CCM2: variants seen among roughly 807,000 people sequenced by gnomAD.
CCM2 encodes the protein cerebral cavernous malformations 2 protein.
In CCM2, 25 loss-of-function variants were observed where a neutral mutation model predicts 44.9. That is an observed-to-expected ratio of 0.56 (90% CI 0.41 to 0.78). The LOEUF (loss-of-function observed/expected upper bound fraction) is 0.78, where lower values mean the gene tolerates loss of function less well. Ranked by LOEUF, CCM2 falls within the 30% of genes least tolerant of loss-of-function variation. CCM2 has a pLI of 0.00. For missense variants in CCM2, 481 were observed against 580.6 expected, an observed-to-expected ratio of 0.83 and a Z score of 1.76; for synonymous variants, 219 against 241.1, an observed-to-expected ratio of 0.91 and a Z score of 0.85.
At chr7:45,058,840 G>C (rs1202836944) in intron 2 of CCM2, among the ~76,000 whole-genome samples, 1 of 151,530 alleles carries the variant, frequency 6.6e-6, no homozygotes, top group Non-Finnish European at 1.5e-5. Flanking sequence ...GCAGTGGCAC[G>C]ATCTTGCCTC....
Position 45,059,429 on chromosome 7 carries a change from AAAAG to A in CCM2, c.205-4473_205-4470del, listed in dbSNP as rs974766289. Among the ~76,000 whole-genome samples, 908 of 115,472 alleles carry A rather than the reference AAAAG, an allele frequency of 7.9e-3. 5 individuals carry two copies. Among genetic ancestry groups the A allele is most frequent in the African/African-American group, 0.013 (512 of 38,414 alleles). The allele number at this position is 115,472 out of a possible 152,430, so 75.8% of individuals were successfully genotyped here. On this transcript the variant is annotated intron_variant, in intron 2 of 9. Coordinates refer to ENST00000258781, the MANE Select transcript of CCM2 (RefSeq NM_031443.4). Reference sequence around the variant, plus strand: ...GAAACCCTGTCTGTTAAAAAAAAAAAAAAGAAAGAAAGAAAGAAAAAACAAAAAA... The same window carrying A: ...GAAACCCTGTCTGTTAAAAAAAAAAAAAAGAAAGAAAGAAAAAACAAAAAA...
chr7:45,033,599 A>C (rs531523685), intron 1 of CCM2, among the ~76,000 whole-genome samples: 38 of 152,336 alleles, frequency 2.5e-4, no homozygotes, highest in African/African-American at 7.5e-4. Context: ...TTTGGGGGCT[A>C]GCAGGCAGAA....
At chr7:45,059,246 A>G (rs1229726345) in intron 2 of CCM2, among the ~76,000 whole-genome samples, 1 of 152,118 alleles carries the variant, frequency 6.6e-6, no homozygotes. Flanking sequence ...GTCGTGGTGT[A>G]TAATTATTAA....
intron 2 of CCM2, among the ~76,000 whole-genome samples, chr7:45,039,335 C>G (rs1280542737): frequency 6.6e-6 from 1 of 152,302 alleles, no homozygotes; most frequent in Non-Finnish European, 1.5e-5. Context: ...TTCTAGAATG[C>G]CTGCAACCAG....
At chr7:45,020,792 T>A (rs1023966178) in intron 1 of CCM2, among the ~76,000 whole-genome samples, 6 of 152,362 alleles carry the variant, frequency 3.9e-5, no homozygotes, top group Admixed American at 3.9e-4. Context: ...AATACATTTG[T>A]ATCTCAGAAG....
rs532457276 is a variant in CCM2 at position 45,020,582 on chromosome 7, G to A, written c.31-17671G>A. ...TAATGCATCTGTAGGATTAATTCCC[G>A]AAAATGCACTTGCTGGGAAACATAA... On this transcript the variant is annotated intron_variant, in intron 1 of 9. Coordinates refer to ENST00000258781, the MANE Select transcript of CCM2 (RefSeq NM_031443.4). Among the ~76,000 whole-genome samples the A allele has an allele frequency of 2.6e-5, 4 of 152,250 alleles. No homozygotes were observed. In the East Asian group the frequency reaches 7.7e-4, roughly 29 times the overall value.
chr7:45,064,751 G>GT (rs1798692111), intron 4 of CCM2, 105 bp downstream of exon 4: 5 of 1,159,762 alleles, frequency 4.3e-6, no homozygotes, highest in Middle Eastern at 2.7e-4. Context: ...GGGTGCTGCT[G>GT]TTTGTCACGA....
Position 45,054,566 on chromosome 7 carries a change from C to G in CCM2, c.205-9352C>G, listed in dbSNP as rs571721515. Among the ~76,000 whole-genome samples, 303 of 152,248 alleles carry G rather than the reference C, an allele frequency of 2.0e-3. 1 individual carries two copies. The highest frequency in any genetic ancestry group is 3.5e-3 in the Non-Finnish European group (238 of 67,998). ...TTAGAGCCAACTCCCCTACCCCACC[C>G]CCTAGACAAGGTGCTTGAGGAGGTG... On this transcript the variant is annotated intron_variant, in intron 2 of 9. Transcript: ENST00000258781.
At chr7:45,015,298 C>A (rs553922389) in intron 1 of CCM2, among the ~76,000 whole-genome samples, 3 of 152,230 alleles carry the variant, frequency 2.0e-5, no homozygotes, top group African/African-American at 7.2e-5. Context: ...TTCCTGTTTT[C>A]TTCAGTGTAT....
rs1376839352 is a variant in CCM2 at position 45,070,212 on chromosome 7, A to C, written c.745+251A>C. ...TGGAATAAATTTGGGGTCTGTGAACACTTTTTTGGAACCACTTGTGGCTAA... is the reference window on the plus strand; with the variant it reads ...TGGAATAAATTTGGGGTCTGTGAACCCTTTTTTGGAACCACTTGTGGCTAA... On this transcript the variant is annotated intron_variant, in intron 6 of 9. Coordinates refer to ENST00000258781, the MANE Select transcript of CCM2 (RefSeq NM_031443.4). The C allele has an allele frequency of 7.5e-6, 4 of 535,818 alleles. No individual in the cohort carries two copies. The East Asian group carries it at 1.0e-4, about 13-fold the overall frequency. 33.2% of individuals were successfully genotyped at this position (535,818 alleles called of 1,614,324 possible).
At chr7:45,009,962 T>A (rs1583840370) in intron 1 of CCM2, among the ~76,000 whole-genome samples, 1 of 151,532 alleles carries the variant, frequency 6.6e-6, no homozygotes, top group African/African-American at 2.4e-5. Context: ...GAGGCTGGAG[T>A]GCCGTGGTGC....
intron 2 of CCM2, among the ~76,000 whole-genome samples, chr7:45,057,899 C>T (rs1051153786): frequency 1.3e-5 from 2 of 152,196 alleles, no homozygotes; most frequent in South Asian, 4.1e-4. Flanking sequence ...GCCCAGCACA[C>T]GCAATTCTGA....
rs1799150251 is a variant in CCM2 at position 45,072,910 on chromosome 7, C to T, written c.803+127C>T. On this transcript the variant is annotated intron_variant, in intron 7 of 9. Transcript: ENST00000258781. The stretch of plus-strand genomic sequence containing the variant: ...CCTCGCTAAGCCATCCCCAGACCCA[C>T]TGTACCCAGCTTAGTGAATGGCTGA... 4 of 792,790 alleles carry T rather than the reference C, an allele frequency of 5.0e-6. No individual in the cohort carries two copies. In the South Asian group the frequency reaches 5.6e-5, roughly 11 times the overall value. The allele number at this position is 792,790 out of a possible 1,614,324, so 49.1% of individuals were successfully genotyped here.
intron 1 of CCM2, chr7:45,027,939 G>A: frequency 1.1e-6 from 1 of 873,130 alleles, no homozygotes; most frequent in Non-Finnish European, 1.9e-6. Context: ...GCTTTGGGAG[G>A]ATGGGGTGGG....
At chr7:45,027,634 AG>A in intron 1 of CCM2, 1 of 1,613,390 alleles carries the variant, frequency 6.2e-7, no homozygotes, top group Non-Finnish European at 8.5e-7. Flanking sequence ...CTTCCTGTTC[AG>A]TCATGTTTTT....
intron 1 of CCM2, among the ~76,000 whole-genome samples, chr7:45,032,754 A>G (rs1040023453): frequency 1.3e-5 from 2 of 152,080 alleles, no homozygotes; most frequent in Non-Finnish European, 1.5e-5. Context: ...GTAAGAGCCA[A>G]GGGCAGCCAG....
intron 1 of CCM2, among the ~76,000 whole-genome samples, chr7:45,007,093 G>A (rs1364475052): frequency 6.6e-6 from 1 of 152,054 alleles, no homozygotes; most frequent in East Asian, 1.9e-4. Flanking sequence ...GAGTTCTGAG[G>A]ACCAAGTCTA....
chr7:45,047,610 G>A (rs376452307), intron 2 of CCM2, among the ~76,000 whole-genome samples: 4 of 152,334 alleles, frequency 2.6e-5, no homozygotes, highest in African/African-American at 9.6e-5. Flanking sequence ...GAAAAAAGCC[G>A]TTCCTAAAGG....
At chr7:45,010,065 A>G (rs1796007648) in intron 1 of CCM2, among the ~76,000 whole-genome samples, 1 of 152,088 alleles carries the variant, frequency 6.6e-6, no homozygotes, top group Non-Finnish European at 1.5e-5. Context: ...GTTTGTCACC[A>G]TGCCCAGCTA....
Sources: allele counts gnomAD v4.1 joint callset (sites outside exome capture counted in the v4.1 genomes callset), GRCh38; gene constraint gnomAD v4.1.1; transcripts MANE v1.5; gene names NCBI Gene and HGNC (gene_info 2026-07-23, HGNC 2026-07-21).